Variants in RASEF observed in about 807,000 individuals in gnomAD.
The protein encoded by RASEF is RAS and EF-hand domain containing.
Under a neutral mutation model 90.1 loss-of-function variants are expected in RASEF, and 68 were observed. The ratio of observed to expected loss-of-function variants is 0.75; its 90% CI spans 0.62 to 0.92. RASEF has a LOEUF of 0.92. RASEF is among the 40% of genes least tolerant of loss of function. The pLI is 0.00. For synonymous variants in RASEF, 331 were observed against 345.2 expected, an observed-to-expected ratio of 0.96 and a Z score of 0.46; for missense variants, 949 against 937.2, an observed-to-expected ratio of 1.01 and a Z score of -0.16.
At chr9:83,095,976 T>G in the RASEF span, among the ~76,000 whole-genome samples, 1 of 152,182 alleles carries the variant, frequency 6.6e-6, no homozygotes. Context: ...CATGGATTCC[T>G]GCATTGGTAA....
the RASEF span, among the ~76,000 whole-genome samples, chr9:83,138,629 C>T: frequency 6.6e-6 from 1 of 152,148 alleles, no homozygotes; most frequent in Non-Finnish European, 1.5e-5. Context: ...CACTCACTGT[C>T]TTTGCCCATA....
the RASEF span, among the ~76,000 whole-genome samples, chr9:83,160,048 A>G: frequency 6.6e-6 from 1 of 152,136 alleles, no homozygotes; most frequent in African/African-American, 2.4e-5. Flanking sequence ...AGTCCAATAA[A>G]CCTCTTTCTT....
At chr9:83,039,669 T>C (rs1388883865) in intron 1 of RASEF, among the ~76,000 whole-genome samples, 1 of 152,178 alleles carries the variant, frequency 6.6e-6, no homozygotes, top group Non-Finnish European at 1.5e-5. Context: ...ATCTGAACTT[T>C]ACACGCACCA....
intron 9 of RASEF, among the ~76,000 whole-genome samples, chr9:83,002,409 A>G (rs963484464): frequency 1.3e-5 from 2 of 152,086 alleles, no homozygotes; most frequent in Non-Finnish European, 2.9e-5. Flanking sequence ...ATTTTATATC[A>G]TAACTCAATC....
chr9:83,027,211 C>G (rs1291051174), intron 1 of RASEF, among the ~76,000 whole-genome samples: 2 of 152,146 alleles, frequency 1.3e-5, no homozygotes, highest in East Asian at 1.9e-4. Context: ...ATCAACCCAG[C>G]AGTTCTCCAA....
At chr9:83,214,949 A>G in the RASEF span, among the ~76,000 whole-genome samples, 60 of 151,972 alleles carry the variant, frequency 3.9e-4, no homozygotes, top group African/African-American at 1.4e-3. Context: ...TGCTTTTTGG[A>G]CTACCATGCT....
In RASEF at chr9:83,040,121, G is replaced by A. The variant is rs145669509; in HGVS notation, c.432-14200C>T. Among the ~76,000 whole-genome samples, 896 of 151,996 alleles carry A rather than the reference G, an allele frequency of 5.9e-3. 8 individuals carry two copies. The highest frequency in any genetic ancestry group is 0.02 in the African/African-American group (826 of 41,452). Reference sequence around the variant, plus strand: ...TAAGATGTGCCTTTGCTCCTCCCTCGCCTCCCAGCCATGTGGAACTGTGAG... The same window carrying A: ...TAAGATGTGCCTTTGCTCCTCCCTCACCTCCCAGCCATGTGGAACTGTGAG... On this transcript the variant is annotated intron_variant, in intron 1 of 16. Transcript: ENST00000376447.
chr9:83,177,909 A>T, the RASEF span, among the ~76,000 whole-genome samples: 1 of 151,926 alleles, frequency 6.6e-6, no homozygotes, highest in Non-Finnish European at 1.5e-5. Context: ...GGTTGCTGGC[A>T]TGCTTACCGA....
At chr9:83,210,178 C>A in the RASEF span, among the ~76,000 whole-genome samples, 1 of 152,110 alleles carries the variant, frequency 6.6e-6, no homozygotes. Flanking sequence ...GTGGCTTTTG[C>A]AATGCATTCT....
intron 9 of RASEF, 145 bp from the exon 10 acceptor site, chr9:83,001,275 G>T (rs1180786366): frequency 1.7e-6 from 1 of 605,658 alleles, no homozygotes; most frequent in Admixed American, 2.9e-5. Flanking sequence ...AGGCATTAGG[G>T]GAAATAAAAT....
chr9:82,999,163 A>T (rs983473265), intron 12 of RASEF, among the ~76,000 whole-genome samples: 1 of 150,968 alleles, frequency 6.6e-6, no homozygotes, highest in African/African-American at 2.4e-5. Context: ...TTAGACGAAG[A>T]AGAAAAATAA....
chr9:83,003,019 G>A (rs1829066685), intron 9 of RASEF, among the ~76,000 whole-genome samples: 2 of 152,042 alleles, frequency 1.3e-5, no homozygotes, highest in Admixed American at 6.6e-5. Context: ...CTATGTAAAA[G>A]TACAAAACAA....
intron 16 of RASEF, among the ~76,000 whole-genome samples, chr9:82,984,553 C>T (rs898499795): frequency 3.3e-5 from 5 of 152,094 alleles, no homozygotes; most frequent in African/African-American, 4.8e-5. Flanking sequence ...CACACACACC[C>T]GACAGGAGAT....
intron 7 of RASEF, 52 bp from the exon 8 acceptor site, chr9:83,005,552 G>T (rs537727665): frequency 8.4e-6 from 11 of 1,309,758 alleles, no homozygotes; most frequent in Non-Finnish European, 1.2e-5. Context: ...TATCATTGGG[G>T]GTCACTGTCA....
At chr9:83,149,454 A>T in the RASEF span, among the ~76,000 whole-genome samples, 3 of 152,188 alleles carry the variant, frequency 2.0e-5, no homozygotes, top group African/African-American at 7.2e-5. Context: ...TACAGGATAA[A>T]GGGGAGCATG....
the RASEF span, among the ~76,000 whole-genome samples, chr9:83,128,025 C>CTTTTTTTTTTTTTTTTTT: frequency 1.8e-4 from 24 of 134,702 alleles, no homozygotes; most frequent in African/African-American, 2.2e-4. Flanking sequence ...TTTTTCTTTT[C>CTTTTTTTTTTTTTTTTTT]TTTTTTTTTT....
chr9:83,045,735 G>A (rs1381261835), intron 1 of RASEF, among the ~76,000 whole-genome samples: 3 of 152,172 alleles, frequency 2.0e-5, no homozygotes, highest in Non-Finnish European at 2.9e-5. Context: ...TGCACCATCA[G>A]TTAGCTCACT....
the RASEF span, among the ~76,000 whole-genome samples, chr9:83,145,388 A>G: frequency 6.6e-6 from 1 of 152,138 alleles, no homozygotes; most frequent in Non-Finnish European, 1.5e-5. Context: ...TTTAAGGAAT[A>G]TCGTATTTTA....
chr9:83,187,734 G>A, the RASEF span, among the ~76,000 whole-genome samples: 6 of 152,156 alleles, frequency 3.9e-5, no homozygotes, highest in African/African-American at 1.4e-4. Flanking sequence ...TCTTGAGGGT[G>A]CCCTTCTTCC....
Sources: allele counts gnomAD v4.1 joint callset (sites outside exome capture counted in the v4.1 genomes callset), GRCh38; gene constraint gnomAD v4.1.1; transcripts MANE v1.5; gene names NCBI Gene and HGNC (gene_info 2026-07-23, HGNC 2026-07-21).